Variants in VAV1 observed in about 807,000 individuals in gnomAD.
The protein encoded by VAV1 is proto-oncogene vav.
A neutral mutation model predicts 128.1 loss-of-function variants in VAV1; 33 were observed. The observed-to-expected ratio is 0.26, with a 90% CI of 0.20 to 0.34. The LOEUF (loss-of-function observed/expected upper bound fraction) is 0.34. VAV1 is among the 10% of genes least tolerant of loss of function. The probability of loss-of-function intolerance (pLI) is 1.00; values close to 1 mark genes in which losing one functional copy is unlikely to be tolerated. For synonymous variants in VAV1, 394 were observed against 409.8 expected (o/e 0.96, Z 0.47); for missense variants, 715 against 1,093.7 (o/e 0.65, Z 4.88).
At chr19:6,830,125 C>A (rs1972019575) in intron 14 of VAV1, among the ~76,000 whole-genome samples, 1 of 152,206 alleles carries the variant, frequency 6.6e-6, no homozygotes, top group African/African-American at 2.4e-5. Flanking sequence ...GTGGCACAAT[C>A]TCGGCTCACC....
chr19:6,854,238 G>C, intron 26 of VAV1, 140 bp downstream of exon 26: 1 of 1,165,158 alleles, frequency 8.6e-7, no homozygotes, highest in East Asian at 2.5e-5. Flanking sequence ...AGGGACACAG[G>C]GATGTCATTT....
At chr19:6,785,621 T>C (rs1970871469) in intron 1 of VAV1, among the ~76,000 whole-genome samples, 1 of 150,664 alleles carries the variant, frequency 6.6e-6, no homozygotes, top group Admixed American at 6.6e-5. Context: ...TGTGAGCCAC[T>C]GCACATGGTC....
intron 1 of VAV1, among the ~76,000 whole-genome samples, chr19:6,781,377 C>G (rs1222968425): frequency 6.6e-6 from 1 of 152,196 alleles, no homozygotes; most frequent in African/African-American, 2.4e-5. Flanking sequence ...TTCTCTGCCG[C>G]CTCCCCGACA....
In VAV1 at chr19:6,828,839, C is replaced by T; in HGVS notation, c.1204C>T (p.Arg402Trp). ...GGACCAGTCTCTGGCTCACTATGGC[C>T]GGCCCAAGATCGACGGGGAACTCAA... is the stretch of plus-strand genomic sequence containing the variant. The part of the protein sequence containing the change: ...NLDQSLAHYG[R>W]PKIDGELKIT... The change falls in exon 13 of 27, where the codon CGG (arginine) becomes TGG (tryptophan). Residue 402 changes from arginine to tryptophan, a missense_variant. Coordinates refer to ENST00000602142, the MANE Select transcript of VAV1 (RefSeq NM_005428.4). The surrounding 1 kb of genome is among the most constrained non-coding windows in gnomAD (Gnocchi z 4.5). The T allele has an allele frequency of 1.2e-6, 2 of 1,614,146 alleles. No individual in the cohort carries two copies. Among genetic ancestry groups the T allele is most frequent in the Non-Finnish European group, 1.7e-6 (2 of 1,180,036 alleles).
rs138640098 is a variant in VAV1, at chr19:6,825,741, T to C, written c.827+335T>C. Among the ~76,000 whole-genome samples the C allele has an allele frequency of 7.1e-3, 1,088 of 152,190 alleles. 13 individuals carry two copies. Among genetic ancestry groups the C allele is most frequent in the South Asian group, 0.015 (72 of 4,820 alleles). ...TAAGTATTTGTTAAATGAAGGAACA[T>C]TGGCCAGGTGTGGTGGCTAATGCCT... On this transcript the variant is annotated intron_variant, in intron 8 of 26. Transcript: ENST00000602142.
In VAV1 at chr19:6,773,115, G is replaced by A. The variant is rs534607753; in HGVS notation, c.204+104G>A. 4.6e-4 allele frequency: 667 copies of A among 1,453,106 alleles called. 9 individuals carry two copies. The South Asian group carries it at 7.8e-3, about 17-fold the overall frequency. 90.0% of individuals were successfully genotyped at this position (1,453,106 alleles called of 1,614,324 possible). ...GCTGCTCCACCTCTGGGCCTGCAAA[G>A]GAGAGGGAATATGCTTACAGGTCCA... On this transcript the variant is annotated intron_variant, in intron 1 of 26. Transcript: ENST00000602142.
At chr19:6,785,130 G>A (rs6510922) in intron 1 of VAV1, among the ~76,000 whole-genome samples, 1 of 151,996 alleles carries the variant, frequency 6.6e-6, no homozygotes, top group African/African-American at 2.4e-5. Context: ...AGGTATACAC[G>A]GTGAGTGTTC....
Position 6,826,519 on chromosome 19 carries a change from C to A in VAV1, c.828-93C>A. 1.1e-6 allele frequency: 1 copy of A among 903,902 alleles called. No individual in the cohort carries two copies. The highest frequency in any genetic ancestry group is 1.8e-6 in the Non-Finnish European group (1 of 569,484). 56.0% of individuals were successfully genotyped at this position (903,902 alleles called of 1,614,324 possible). ...AGAAACTGGGACTCAGGTTTCTTCT[C>A]CAGCGGGGAAGAGCAAGGCCAGGGC... On this transcript the variant is annotated intron_variant, in intron 8 of 26. Transcript: ENST00000602142. This position sits in a 1 kb window ranked among gnomAD's most constrained non-coding sequence, Gnocchi z 4.1.
At chr19:6,785,354 C>T (rs1441832921) in intron 1 of VAV1, among the ~76,000 whole-genome samples, 2 of 151,904 alleles carry the variant, frequency 1.3e-5, no homozygotes, top group African/African-American at 4.8e-5. Context: ...TTTGTTTTAA[C>T]GGGGTCTCTG....
chr19:6,846,393 T>C (rs1215031652), intron 22 of VAV1, among the ~76,000 whole-genome samples: 1 of 150,846 alleles, frequency 6.6e-6, no homozygotes, highest in African/African-American at 2.4e-5. Context: ...TCGAGACCAG[T>C]TTGGCCTACA....
Position 6,772,775 on chromosome 19 carries a change from G to A in VAV1, c.-33G>A, listed in dbSNP as rs763133831. ...GGCGGGTGGGTGGTGGAGGCTGCGA[G>A]GGTGCACGGCCGGCCCTGGGCAGGC... On this transcript the variant is annotated 5_prime_UTR_variant, in exon 1 of 27. Coordinates refer to ENST00000602142, the MANE Select transcript of VAV1 (RefSeq NM_005428.4). The surrounding 1 kb of genome is among the most constrained non-coding windows in gnomAD (Gnocchi z 4.8). The A allele has an allele frequency of 2.5e-6, 4 of 1,601,480 alleles. No individual in the cohort carries two copies. The African/African-American group carries it at 4.0e-5, about 16-fold the overall frequency.
chr19:6,804,707 G>A (rs1221211124), intron 1 of VAV1, among the ~76,000 whole-genome samples: 1 of 147,548 alleles, frequency 6.8e-6, no homozygotes, highest in African/African-American at 2.5e-5. Flanking sequence ...ATGAACCACT[G>A]TGCCCTTCCC....
At chr19:6,802,083 A>C (rs2546135) in intron 1 of VAV1, among the ~76,000 whole-genome samples, 138,501 of 151,930 alleles carry the variant, frequency 0.91, 63,149 homozygotes, top group East Asian at 0.95. Flanking sequence ...AGCAAACTAT[A>C]GCAAGGACAA....
chr19:6,803,852 A>C (rs1971326631), intron 1 of VAV1, among the ~76,000 whole-genome samples: 1 of 152,188 alleles, frequency 6.6e-6, no homozygotes, highest in Non-Finnish European at 1.5e-5. Flanking sequence ...GGTGTGAGCC[A>C]CTGCTCCCAG....
intron 25 of VAV1, 138 bp from the exon 26 acceptor site, chr19:6,853,809 C>A: frequency 9.5e-7 from 1 of 1,048,980 alleles, no homozygotes; most frequent in Non-Finnish European, 1.4e-6. Flanking sequence ...CCTTACAGTA[C>A]AGGGCATCTA....
chr19:6,790,154 G>A (rs332423), intron 1 of VAV1, among the ~76,000 whole-genome samples: 9,255 of 152,076 alleles, frequency 0.061, 351 homozygotes, highest in Middle Eastern at 0.085. Flanking sequence ...CTCCAGCCTG[G>A]GTGAGAGAGT....
chr19:6,828,609 GC>G lies in VAV1; in HGVS notation c.1093-8del, dbSNP rs756531621. 2 of 1,613,908 alleles carry G rather than the reference GC, an allele frequency of 1.2e-6. No individual in the cohort carries two copies. Among genetic ancestry groups the G allele is most frequent in the Admixed American group, 3.3e-5 (2 of 59,998 alleles). On this transcript the variant is annotated splice_polypyrimidine_tract_variant and intron_variant, in intron 11 of 26. Transcript: ENST00000602142. The surrounding 1 kb of genome is among the most constrained non-coding windows in gnomAD (Gnocchi z 4.5). ...CTGTTGGGGGGCCAGGTTCACCCCT[GC>G]CCCCTCCCCAGGACCTGGCTCAGTG...
chr19:6,827,346 C>T (rs1263386908), intron 9 of VAV1, among the ~76,000 whole-genome samples: 1 of 152,108 alleles, frequency 6.6e-6, no homozygotes, highest in Non-Finnish European at 1.5e-5. Flanking sequence ...TAGCTCACCA[C>T]AGCCTCGACC....
intron 1 of VAV1, among the ~76,000 whole-genome samples, chr19:6,795,676 CTTGT>C (rs540873430): frequency 2.3e-4 from 35 of 151,764 alleles, no homozygotes; most frequent in African/African-American, 5.3e-4. Flanking sequence ...ACTCTTTTTG[CTTGT>C]TTGTTTGTTT....
Sources: allele counts gnomAD v4.1 joint callset (sites outside exome capture counted in the v4.1 genomes callset), GRCh38; gene constraint gnomAD v4.1.1; non-coding constraint Gnocchi (gnomAD v3.1); transcripts MANE v1.5; gene names NCBI Gene and HGNC (gene_info 2026-07-23, HGNC 2026-07-21).